The following KCNC1 variants were observed in gnomAD, a reference collection of about 807,000 sequenced individuals.
KCNC1 encodes voltage-gated potassium channel KCNC1.
Under a neutral mutation model 43.4 loss-of-function variants are expected in KCNC1, and 8 were observed. That is an observed-to-expected ratio of 0.18 (90% CI 0.11 to 0.33). The LOEUF (loss-of-function observed/expected upper bound fraction) is 0.33. KCNC1 is among the 10% of genes least tolerant of loss of function. The pLI is 1.00. For missense variants in KCNC1, 420 were observed against 836.0 expected, an observed-to-expected ratio of 0.50 and a Z score of 6.14; for synonymous variants, 361 against 360.5, an observed-to-expected ratio of 1.00 and a Z score of -0.01.
At chr11:17,743,642 G>A (rs1453073792) in intron 1 of KCNC1, among the ~76,000 whole-genome samples, 1 of 152,214 alleles carries the variant, frequency 6.6e-6, no homozygotes, top group Non-Finnish European at 1.5e-5. Flanking sequence ...GCGGCACATG[G>A]TGGGAACGCT....
chr11:17,764,691 C>CG (rs983695198), intron 1 of KCNC1, among the ~76,000 whole-genome samples: 1 of 152,154 alleles, frequency 6.6e-6, no homozygotes, highest in African/African-American at 2.4e-5. Flanking sequence ...ACGCTGCGCT[C>CG]GGGGGCCAGG....
rs1255522617 is a variant in KCNC1, at chr11:17,776,494, G to A, written c.1505-2962G>A. 2 of 985,314 alleles carry A rather than the reference G, an allele frequency of 2.0e-6. No homozygotes were observed. The highest frequency in any genetic ancestry group is 2.4e-6 in the Non-Finnish European group (2 of 829,962). 61.0% of individuals were successfully genotyped at this position (985,314 alleles called of 1,614,324 possible). ...GAAAAGCCAGCTGTGCTGACTGAGG[G>A]CCCAGCCTCGGGTTCTCCTTGCTCC... On this transcript the variant is annotated intron_variant, in intron 2 of 3. Coordinates refer to ENST00000265969, the MANE Select transcript of KCNC1 (RefSeq NM_001112741.2). This position sits in a 1 kb window ranked among gnomAD's most constrained non-coding sequence, Gnocchi z 4.4.
At chr11:17,749,864 T>A (rs1471085279) in intron 1 of KCNC1, among the ~76,000 whole-genome samples, 8 of 152,204 alleles carry the variant, frequency 5.3e-5, no homozygotes, top group Non-Finnish European at 5.9e-5. Context: ...AAAGTGTGCA[T>A]AATGGCATCA....
chr11:17,745,670 C>G (rs937176038), intron 1 of KCNC1, among the ~76,000 whole-genome samples: 6 of 152,138 alleles, frequency 3.9e-5, no homozygotes, highest in Non-Finnish European at 4.4e-5. Context: ...TTCTCTCTCC[C>G]TCCCTCCCCC....
intron 1 of KCNC1, among the ~76,000 whole-genome samples, chr11:17,754,651 C>T (rs1849004770): frequency 6.6e-6 from 1 of 150,986 alleles, no homozygotes; most frequent in African/African-American, 2.4e-5. Flanking sequence ...GAGGAAGGAG[C>T]CTCCTTTCCC....
chr11:17,767,360 G>A (rs968947897), intron 1 of KCNC1, among the ~76,000 whole-genome samples: 18 of 151,826 alleles, frequency 1.2e-4, no homozygotes, highest in African/African-American at 3.9e-4. Flanking sequence ...GCCTCATCAC[G>A]AGCTTTAAAA....
intron 1 of KCNC1, among the ~76,000 whole-genome samples, chr11:17,762,302 A>C (rs1038481971): frequency 4.6e-5 from 7 of 152,228 alleles, no homozygotes; most frequent in African/African-American, 1.4e-4. Context: ...CCATGACTAG[A>C]AGATTCTAGG....
rs761661237 is a variant in KCNC1 at position 17,736,589 on chromosome 11, C to A, written c.570+17C>A. On this transcript the variant is annotated intron_variant, in intron 1 of 3. Coordinates refer to ENST00000265969, the MANE Select transcript of KCNC1 (RefSeq NM_001112741.2). The surrounding 1 kb of genome is among the most constrained non-coding windows in gnomAD (Gnocchi z 9.3). ...TACGCGCGGGTAAGTGACAATTTACCCATCAGAAGAGCGGGGCGGGAAGGC... is the reference window on the plus strand; with the variant it reads ...TACGCGCGGGTAAGTGACAATTTACACATCAGAAGAGCGGGGCGGGAAGGC... The A allele has an allele frequency of 9.4e-6, 14 of 1,489,202 alleles. No individual in the cohort carries two copies. The highest frequency in any genetic ancestry group is 1.2e-5 in the Non-Finnish European group (13 of 1,126,830). The allele number at this position is 1,489,202 out of a possible 1,614,324, so 92.2% of individuals were successfully genotyped here.
At chr11:17,743,470 G>A (rs1279917441) in intron 1 of KCNC1, among the ~76,000 whole-genome samples, 1 of 152,262 alleles carries the variant, frequency 6.6e-6, no homozygotes, top group African/African-American at 2.4e-5. Context: ...GGCCCTGCCT[G>A]GCCAGGCCAT....
rs2133776975 is a variant in KCNC1 at position 17,739,087 on chromosome 11, C to A, written c.570+2515C>A. Reference sequence around the variant, plus strand: ...TCTCTGCGGCTCATCTGCGCACAGACCAGCCGCCTGCCCGCCCTCCTCCCC... The same window carrying A: ...TCTCTGCGGCTCATCTGCGCACAGAACAGCCGCCTGCCCGCCCTCCTCCCC... On this transcript the variant is annotated intron_variant, in intron 1 of 3. Coordinates refer to ENST00000265969, the MANE Select transcript of KCNC1 (RefSeq NM_001112741.2). This position sits in a 1 kb window ranked among gnomAD's most constrained non-coding sequence, Gnocchi z 4.2. 6.6e-6 allele frequency among the ~76,000 whole-genome samples: 1 copy of A among 152,332 alleles called. No homozygotes were observed. Among genetic ancestry groups the A allele is most frequent in the South Asian group, 2.1e-4 (1 of 4,822 alleles).
At chr11:17,752,547 C>T (rs1267847739) in intron 1 of KCNC1, among the ~76,000 whole-genome samples, 2 of 152,258 alleles carry the variant, frequency 1.3e-5, no homozygotes, top group African/African-American at 4.8e-5. Flanking sequence ...CTTGCACACA[C>T]ATGAATGCAT....
chr11:17,771,772 C>T lies in KCNC1; in HGVS notation c.678C>T (p.Asn226=), dbSNP rs1423338721. Residue 226 remains asparagine (N), a synonymous_variant, in exon 2 of 4, where the codon AAC becomes AAT. Coordinates refer to ENST00000265969, the MANE Select transcript of KCNC1 (RefSeq NM_001112741.2). This position sits in a 1 kb window ranked among gnomAD's most constrained non-coding sequence, Gnocchi z 4.7. ...NPIVNKTEIE[N]VRNGTQVRYY... ...TCGTGAACAAGACGGAGATCGAGAA[C>T]GTTCGCAATGGCACGCAAGTGCGCT... 26 of 1,614,150 alleles carry T rather than the reference C, an allele frequency of 1.6e-5. No homozygotes were observed. Among genetic ancestry groups the T allele is most frequent in the Middle Eastern group, 1.6e-4 (1 of 6,084 alleles).
rs191962037 is a variant in KCNC1 at position 17,776,171 on chromosome 11, G to A, written c.1505-3285G>A. ...GGGCCAGGCATGGGTGTTCTTTTCCGTGTTGTTCACATTTTCTCTCTTTCT... is the reference window on the plus strand; with the variant it reads ...GGGCCAGGCATGGGTGTTCTTTTCCATGTTGTTCACATTTTCTCTCTTTCT... On this transcript the variant is annotated intron_variant, in intron 2 of 3. Coordinates refer to ENST00000265969, the MANE Select transcript of KCNC1 (RefSeq NM_001112741.2). This position sits in a 1 kb window ranked among gnomAD's most constrained non-coding sequence, Gnocchi z 4.4. The A allele has an allele frequency of 1.0e-4, 101 of 985,428 alleles. No individual in the cohort carries two copies. Among genetic ancestry groups the A allele is most frequent in the Non-Finnish European group, 1.2e-4 (96 of 829,956 alleles). 61.0% of individuals were successfully genotyped at this position (985,428 alleles called of 1,614,324 possible).
At chr11:17,775,908 A>T (rs1325057630) in intron 2 of KCNC1, 14 of 985,360 alleles carry the variant, frequency 1.4e-5, no homozygotes, top group Non-Finnish European at 1.6e-5. Flanking sequence ...AAGGGGTCTA[A>T]AGTCCCCTAT....
intron 1 of KCNC1, among the ~76,000 whole-genome samples, chr11:17,756,994 T>G (rs1849029845): frequency 6.6e-6 from 1 of 150,792 alleles, no homozygotes; most frequent in African/African-American, 2.4e-5. Flanking sequence ...TCTTAACCAC[T>G]CTGAACCTCA....
intron 1 of KCNC1, among the ~76,000 whole-genome samples, chr11:17,748,738 C>T (rs538644236): frequency 6.6e-6 from 1 of 152,106 alleles, no homozygotes; most frequent in South Asian, 2.1e-4. Flanking sequence ...CTGAGTGTTC[C>T]AGCCCAGGGC....
At chr11:17,746,191 A>G (rs567562944) in intron 1 of KCNC1, among the ~76,000 whole-genome samples, 1 of 152,276 alleles carries the variant, frequency 6.6e-6, no homozygotes, top group East Asian at 1.9e-4. Flanking sequence ...AGCCTGGAGC[A>G]GCGAATAACA....
chr11:17,767,840 C>T (rs985654501), intron 1 of KCNC1, among the ~76,000 whole-genome samples: 1 of 152,232 alleles, frequency 6.6e-6, no homozygotes, highest in Non-Finnish European at 1.5e-5. Flanking sequence ...CTTCTGCTGC[C>T]TGCTCCCCAT....
At chr11:17,737,220 T>A (rs929677443) in intron 1 of KCNC1, among the ~76,000 whole-genome samples, 14 of 151,922 alleles carry the variant, frequency 9.2e-5, no homozygotes, top group Admixed American at 2.0e-4. Context: ...GGCTGTAAGG[T>A]AGGGGTGGTC....
Sources: gnomAD v4.1 joint callset for allele counts (sites outside exome capture counted in the v4.1 genomes callset) on GRCh38, gnomAD v4.1.1 for gene constraint, Gnocchi (gnomAD v3.1) non-coding constraint, MANE v1.5 for transcripts, NCBI Gene and HGNC (gene_info 2026-07-23, HGNC 2026-07-21) for gene names.